PPP1R13B: variants seen among roughly 807,000 people sequenced by gnomAD.
The protein encoded by PPP1R13B is apoptosis-stimulating of p53 protein 1.
PPP1R13B carries 44 observed loss-of-function variants against 119.8 expected under a neutral mutation model. The observed-to-expected ratio is 0.37, with a 90% CI of 0.29 to 0.47. The LOEUF (loss-of-function observed/expected upper bound fraction) is 0.47. Among genes scored for constraint, PPP1R13B ranks in the 20% least tolerant of loss-of-function variants. The probability of loss-of-function intolerance (pLI) is 0.99; values close to 1 mark genes in which losing one functional copy is unlikely to be tolerated. For synonymous variants in PPP1R13B, 542 were observed against 561.5 expected (o/e 0.97, Z 0.49); for missense variants, 1,227 against 1,413.5 (o/e 0.87, Z 2.12).
At position 103,746,502 on chromosome 14, in the gene PPP1R13B, C is replaced by G; in HGVS notation, c.1021G>C (p.Gly341Arg). 6.2e-7 allele frequency: 1 copy of G among 1,613,912 alleles called. No homozygotes were observed. The highest frequency in any genetic ancestry group is 8.5e-7 in the Non-Finnish European group (1 of 1,179,832). The change falls in exon 9 of 17, where the codon GGC becomes CGC. Residue 341 changes from glycine (G) to arginine (R), a missense_variant. Physicochemically the swap from Gly to Arg is moderately radical, Grantham distance 125. Coordinates refer to ENST00000202556, the MANE Select transcript of PPP1R13B (RefSeq NM_015316.3). Reference protein sequence around the residue: ...SSPQSPLSTSGRVAAVGPYIQ... With the variant: ...SSPQSPLSTSRRVAAVGPYIQ... The stretch of plus-strand genomic sequence containing the variant: ...TAAGGCCCCACAGCAGCGACCCTGC[C>G]CGATGTGCTCAGAGGGGACTGTGGT...
chr14:103,796,920 G>A (rs1439998170), intron 2 of PPP1R13B, among the ~76,000 whole-genome samples: 1 of 151,954 alleles, frequency 6.6e-6, no homozygotes, highest in Non-Finnish European at 1.5e-5. Context: ...GCATGCCACT[G>A]CACTCCAGCC....
intron 4 of PPP1R13B, among the ~76,000 whole-genome samples, chr14:103,764,999 T>C (rs1167794015): frequency 2.0e-5 from 3 of 152,188 alleles, no homozygotes; most frequent in African/African-American, 4.8e-5. Flanking sequence ...TTTGTATTTT[T>C]AGTAGAGATG....
rs1206470947 is a variant in PPP1R13B at position 103,740,198 on chromosome 14, T to C, written c.2218A>G (p.Thr740Ala). ...GAGGGGCTGGGCTGGTAGAAAGGGG[T>C]GCCCTCCATGCCACCGGCCAGGGTG... ...FNTLAGGMEGTPFYQPSPSQD... is the reference protein window; with the variant it reads ...FNTLAGGMEGAPFYQPSPSQD... The change falls in exon 12 of 17, where the codon ACC (threonine) becomes GCC (alanine). Residue 740 changes from threonine to alanine, a missense_variant. Coordinates refer to ENST00000202556, the MANE Select transcript of PPP1R13B (RefSeq NM_015316.3). This position sits in a 1 kb window ranked among gnomAD's most constrained non-coding sequence, Gnocchi z 4.6. 2 of 1,613,660 alleles carry C rather than the reference T, an allele frequency of 1.2e-6. No homozygotes were observed. The highest frequency in any genetic ancestry group is 1.7e-6 in the Non-Finnish European group (2 of 1,179,952).
rs769838197 is a variant in PPP1R13B, at chr14:103,737,873, G to A, written c.2865-13C>T. 3.0e-5 allele frequency: 49 copies of A among 1,610,078 alleles called. No individual in the cohort carries two copies. Among genetic ancestry groups the A allele is most frequent in the African/African-American group, 4.0e-5 (3 of 75,020 alleles). On this transcript the variant is annotated splice_polypyrimidine_tract_variant and intron_variant, in intron 14 of 16. Transcript: ENST00000202556. ...GTGCAGCGGCGTCCTGGAATAGAGC[G>A]TGGGTGAAGGTGCAGGCCTGGCACT...
chr14:103,845,156 CCCAACGTT>C (rs2152091639), intron 1 of PPP1R13B, among the ~76,000 whole-genome samples: 1 of 152,206 alleles, frequency 6.6e-6, no homozygotes, highest in South Asian at 2.1e-4. Context: ...CAAAATATGA[CCCAACGTT>C]CCTTTGATTC....
At chr14:103,776,709 A>C (rs541587733) in intron 4 of PPP1R13B, among the ~76,000 whole-genome samples, 35 of 152,148 alleles carry the variant, frequency 2.3e-4, no homozygotes, top group Non-Finnish European at 2.1e-4. Context: ...CATCTCTATT[A>C]AAAATACAAA....
chr14:103,846,769 A>C (rs1330696051), intron 1 of PPP1R13B: 4 of 456,794 alleles, frequency 8.8e-6, no homozygotes, highest in South Asian at 6.2e-5. Context: ...TTAAAGCAAA[A>C]CGAACCAACA....
chr14:103,829,255 A>T (rs1371500464), intron 1 of PPP1R13B, among the ~76,000 whole-genome samples: 2 of 152,200 alleles, frequency 1.3e-5, no homozygotes, highest in African/African-American at 4.8e-5. Flanking sequence ...GAACAAGGAA[A>T]CTAGTTACCT....
intron 3 of PPP1R13B, among the ~76,000 whole-genome samples, chr14:103,784,214 C>G (rs2085398448): frequency 6.6e-6 from 1 of 151,560 alleles, no homozygotes; most frequent in East Asian, 1.9e-4. Context: ...AACACCAAGT[C>G]CCTTTATATG....
chr14:103,779,963 G>A (rs1191505895), intron 3 of PPP1R13B, among the ~76,000 whole-genome samples: 6 of 151,096 alleles, frequency 4.0e-5, no homozygotes, highest in African/African-American at 7.3e-5. Context: ...CAGCCTGCCC[G>A]AATGGCAAAA....
intron 4 of PPP1R13B, among the ~76,000 whole-genome samples, chr14:103,772,345 A>G (rs2085091361): frequency 6.6e-6 from 1 of 152,244 alleles, no homozygotes; most frequent in East Asian, 1.9e-4. Flanking sequence ...CCATTTCTCT[A>G]AGGTAAATAT....
rs1595716632 is a variant in PPP1R13B, at chr14:103,746,406, C to T, written c.1117G>A (p.Ala373Thr). 6.2e-7 allele frequency: 1 copy of T among 1,611,456 alleles called. No homozygotes were observed. The highest frequency in any genetic ancestry group is 2.2e-5 in the East Asian group (1 of 44,760). ...DPIKPQSLSI[A>T]SNAAHGRSKS... ...GATCTTCCATGAGCAGCATTTGAGG[C>T]AATACTGAGAGACTGGGGCTTTATA... Residue 373 changes from alanine to threonine, a missense_variant, in exon 9 of 17, where the codon GCC becomes ACC. Coordinates refer to ENST00000202556, the MANE Select transcript of PPP1R13B (RefSeq NM_015316.3).
At chr14:103,762,454 G>C (rs570917705) in intron 4 of PPP1R13B, among the ~76,000 whole-genome samples, 1 of 123,430 alleles carries the variant, frequency 8.1e-6, no homozygotes, top group Non-Finnish European at 1.6e-5. Flanking sequence ...GTTGTGGGGT[G>C]GGGGGAGGGG....
Position 103,742,538 on chromosome 14 carries a change from A to G in PPP1R13B, c.1320+116T>C. 3 of 1,414,740 alleles carry G rather than the reference A, an allele frequency of 2.1e-6. No homozygotes were observed. The highest frequency in any genetic ancestry group is 2.9e-6 in the Non-Finnish European group (3 of 1,050,772). 87.6% of individuals were successfully genotyped at this position (1,414,740 alleles called of 1,614,324 possible). A position where few individuals can be genotyped will look rare whatever the true frequency, so the allele number is the denominator to read the frequency against. On this transcript the variant is annotated intron_variant, in intron 10 of 16. Coordinates refer to ENST00000202556, the MANE Select transcript of PPP1R13B (RefSeq NM_015316.3). This position sits in a 1 kb window ranked among gnomAD's most constrained non-coding sequence, Gnocchi z 4.9. ...CTCTAGGACTTTGGGTGTTGTCTGG[A>G]CAATAACAGGATTAACTTGCCTCCT...
At chr14:103,818,379 T>A in intron 1 of PPP1R13B, 1 of 598,486 alleles carries the variant, frequency 1.7e-6, no homozygotes, top group Non-Finnish European at 2.1e-6. Context: ...TTAGGCTGCA[T>A]ATGAGTTTTC....
intron 1 of PPP1R13B, among the ~76,000 whole-genome samples, chr14:103,815,888 C>T (rs1318764376): frequency 6.6e-6 from 1 of 151,940 alleles, no homozygotes; most frequent in African/African-American, 2.4e-5. Context: ...TCGAGACCAT[C>T]CTGGCTAACA....
chr14:103,836,256 G>A (rs977393589), intron 1 of PPP1R13B, among the ~76,000 whole-genome samples: 4 of 150,088 alleles, frequency 2.7e-5, no homozygotes, highest in Non-Finnish European at 5.9e-5. Flanking sequence ...ATGTTGGCGA[G>A]GCTGGTCTCG....
chr14:103,737,604 G>A, intron 15 of PPP1R13B, 90 bp downstream of exon 15: 1 of 1,462,390 alleles, frequency 6.8e-7, no homozygotes. Context: ...ACAGAAAGCT[G>A]TGCTGAAGCT....
intron 1 of PPP1R13B, among the ~76,000 whole-genome samples, chr14:103,812,580 A>G (rs1462724197): frequency 6.6e-6 from 1 of 151,156 alleles, no homozygotes; most frequent in African/African-American, 2.4e-5. Flanking sequence ...CATCAGGCCC[A>G]GCCAATTTTT....
Sources: gnomAD v4.1 joint callset for allele counts (sites outside exome capture counted in the v4.1 genomes callset) on GRCh38, gnomAD v4.1.1 for gene constraint, Gnocchi (gnomAD v3.1) non-coding constraint, MANE v1.5 for transcripts, NCBI Gene and HGNC (gene_info 2026-07-23, HGNC 2026-07-21) for gene names.